The following RADIL variants were observed in gnomAD, a reference collection of about 807,000 sequenced individuals.
RADIL encodes Rap associating with DIL domain, also known as ras-associating and dilute domain-containing protein.
Under a neutral mutation model 97.6 loss-of-function variants are expected in RADIL, and 99 were observed. That is an observed-to-expected ratio of 1.01 (90% CI 0.86 to 1.20). The LOEUF is 1.20. RADIL is among the 50% of genes most tolerant of loss of function. The pLI, the probability that RADIL is intolerant of heterozygous loss-of-function variation, is 0.00. For synonymous variants in RADIL, 803 were observed against 691.8 expected (o/e 1.16, Z -2.52); for missense variants, 1,765 against 1,498.9 (o/e 1.18, Z -2.93).
At position 4,801,758 on chromosome 7, in the gene RADIL, C is replaced by T; in HGVS notation, c.2737G>A (p.Glu913Lys). The part of the protein sequence containing the change: ...LTPPSTPLGP[E>K]PGDPDWPESG... ...TCTGGCCAGTCGGGGTCCCCAGGCT[C>T]AGGGCCAAGTGGAGTGCTGGGAGGC... Residue 913 changes from glutamate (E) to lysine (K), a missense_variant, in exon 12 of 15, where the codon GAG (glutamate) becomes AAG (lysine). By Grantham distance (56) the Glu-to-Lys change is moderately conservative. Transcript: ENST00000399583. 6.2e-7 allele frequency: 1 copy of T among 1,610,576 alleles called. No homozygotes were observed. Among genetic ancestry groups the T allele is most frequent in the South Asian group, 1.1e-5 (1 of 90,744 alleles).
At chr7:4,857,025 A>C (rs1435865638) in intron 2 of RADIL, among the ~76,000 whole-genome samples, 1 of 152,214 alleles carries the variant, frequency 6.6e-6, no homozygotes, top group East Asian at 1.9e-4. Context: ...TGTGTTCAAA[A>C]ACTGTTTCCC....
chr7:4,818,882 C>T lies in RADIL; in HGVS notation c.1616-1531G>A, dbSNP rs1782750946. The stretch of plus-strand genomic sequence containing the variant: ...CTGAATGAAACCACAAAGCAGCCTC[C>T]AGCCACCCACCACGGGCCTGAGACT... On this transcript the variant is annotated intron_variant, in intron 6 of 14. Transcript: ENST00000399583. The surrounding 1 kb of genome is among the most constrained non-coding windows in gnomAD (Gnocchi z 7.1). Among the ~76,000 whole-genome samples the T allele has an allele frequency of 6.6e-6, 1 of 152,094 alleles. No individual in the cohort carries two copies. The highest frequency in any genetic ancestry group is 2.1e-4 in the South Asian group (1 of 4,822).
intron 2 of RADIL, chr7:4,865,423 A>G (rs1784109620): frequency 3.0e-6 from 2 of 674,130 alleles, no homozygotes; most frequent in South Asian, 3.5e-5. Context: ...TTTCAGATAA[A>G]TGGAATTTAA....
In RADIL at chr7:4,803,739, G is replaced by A. The variant is rs1316915988; in HGVS notation, c.2306C>T (p.Ser769Phe). ...GACGATGGGTGGGGGGTTTTCGTAG[G>A]ACTCCAGAACATCCTCTGCAGGGGA... ...EAFRSEDVLE[S>F]YENPPPIVLP... is the part of the protein sequence containing the mutation. The change falls in exon 11 of 15, where the codon TCC (serine) becomes TTC (phenylalanine). Residue 769 changes from serine to phenylalanine, a missense_variant. Ser to Phe is a radical substitution (Grantham distance 155). Coordinates refer to ENST00000399583, the MANE Select transcript of RADIL (RefSeq NM_018059.5). 5 of 1,564,240 alleles carry A rather than the reference G, an allele frequency of 3.2e-6. No homozygotes were observed. The highest frequency in any genetic ancestry group is 4.3e-6 in the Non-Finnish European group (5 of 1,155,058).
intron 12 of RADIL, 86 bp downstream of exon 12, chr7:4,801,566 AG>A (rs1159457009): frequency 5.0e-6 from 7 of 1,409,184 alleles, no homozygotes; most frequent in Non-Finnish European, 6.7e-6. Context: ...CTAGGACCCA[AG>A]GGGGGAACGA....
chr7:4,838,772 A>T (rs981115146), intron 2 of RADIL, among the ~76,000 whole-genome samples: 3 of 152,212 alleles, frequency 2.0e-5, no homozygotes, highest in Non-Finnish European at 4.4e-5. Flanking sequence ...CACAAGCATG[A>T]CAGAGCCTCC....
Position 4,816,474 on chromosome 7 carries a change from G to A in RADIL, c.1729-9C>T, listed in dbSNP as rs1316282410. 1.1e-5 allele frequency: 17 copies of A among 1,595,520 alleles called. No homozygotes were observed. The highest frequency in any genetic ancestry group is 1.4e-5 in the Non-Finnish European group (16 of 1,168,306). On this transcript the variant is annotated splice_polypyrimidine_tract_variant and intron_variant, in intron 7 of 14. Coordinates refer to ENST00000399583, the MANE Select transcript of RADIL (RefSeq NM_018059.5). ...AGGCAGATGTACAGGGACTGGCGGG[G>A]GCAAGAGGAGAACAGCAACCAGCAT...
At chr7:4,803,456 C>T (rs1351837129) in intron 11 of RADIL, 90 bp downstream of exon 11, 1 of 1,177,686 alleles carries the variant, frequency 8.5e-7, no homozygotes. Context: ...GCTGGGTGGC[C>T]CCCTCCCCGG....
Position 4,800,151 on chromosome 7 carries a change from G to T in RADIL, c.2982+20C>A, listed in dbSNP as rs764939989. 5 of 1,582,896 alleles carry T rather than the reference G, an allele frequency of 3.2e-6. No individual in the cohort carries two copies. Among genetic ancestry groups the T allele is most frequent in the Non-Finnish European group, 4.3e-6 (5 of 1,164,010 alleles). ...CAGGCAGCCAGTATGGGGGTGCGGC[G>T]AGGGTCCTGGGCCACTCACCATCCC... On this transcript the variant is annotated intron_variant, in intron 13 of 14. Coordinates refer to ENST00000399583, the MANE Select transcript of RADIL (RefSeq NM_018059.5).
chr7:4,877,537 C>T (rs910437613), intron 2 of RADIL, 68 bp downstream of exon 2: 21 of 1,511,366 alleles, frequency 1.4e-5, no homozygotes, highest in Admixed American at 6.5e-5. Context: ...ACTCCTTCTC[C>T]GCCTACCTCG....
At chr7:4,808,281 G>A (rs201631961) in intron 9 of RADIL, among the ~76,000 whole-genome samples, 202 of 151,054 alleles carry the variant, frequency 1.3e-3, no homozygotes, top group African/African-American at 4.7e-3. Context: ...CCCAGGCTCT[G>A]CACAGCTTTT....
intron 2 of RADIL, chr7:4,861,849 C>A: frequency 7.2e-7 from 1 of 1,383,042 alleles, no homozygotes; most frequent in Non-Finnish European, 9.4e-7. Context: ...TCCCCCACCA[C>A]CGCGACCTTC....
rs145181103 is a variant in RADIL at position 4,837,279 on chromosome 7, G to A, written c.536-674C>T. On this transcript the variant is annotated intron_variant, in intron 2 of 14. Coordinates refer to ENST00000399583, the MANE Select transcript of RADIL (RefSeq NM_018059.5). The surrounding 1 kb of genome is among the most constrained non-coding windows in gnomAD (Gnocchi z 5.6). ...CCTCAAACCACAGACGTTTTCCCACGGCAGCCTGGGCCTCTGCAGGGTCAC... is the reference window on the plus strand; with the variant it reads ...CCTCAAACCACAGACGTTTTCCCACAGCAGCCTGGGCCTCTGCAGGGTCAC... Among the ~76,000 whole-genome samples the A allele has an allele frequency of 1.0e-3, 159 of 152,242 alleles. 1 individual carries two copies. The highest frequency in any genetic ancestry group is 3.6e-3 in the African/African-American group (149 of 41,554).
intron 2 of RADIL, chr7:4,861,499 G>C (rs778850967): frequency 2.5e-6 from 4 of 1,613,954 alleles, no homozygotes; most frequent in African/African-American, 2.7e-5. Context: ...CTCCTAATCT[G>C]TAAGAGCCAA....
rs1782875690 is a variant in RADIL at position 4,822,921 on chromosome 7, G to A, written c.1455-367C>T. ...TGTGTGTGTGCGTGTATGCGTGCAT[G>A]GGGGTGGGGGCTGGTCCATGGTTTT... On this transcript the variant is annotated intron_variant, in intron 5 of 14. Transcript: ENST00000399583. The surrounding 1 kb of genome is among the most constrained non-coding windows in gnomAD (Gnocchi z 5.3). Among the ~76,000 whole-genome samples the A allele has an allele frequency of 6.6e-6, 1 of 152,172 alleles. No homozygotes were observed. Among genetic ancestry groups the A allele is most frequent in the African/African-American group, 2.4e-5 (1 of 41,450 alleles).
At chr7:4,844,277 C>G (rs567127303) in intron 2 of RADIL, among the ~76,000 whole-genome samples, 1 of 152,008 alleles carries the variant, frequency 6.6e-6, no homozygotes, top group Non-Finnish European at 1.5e-5. Context: ...AACCCTGTCT[C>G]TACTAAAAAT....
intron 13 of RADIL, 32 bp downstream of exon 13, chr7:4,800,139 T>G (rs1397123033): frequency 6.4e-7 from 1 of 1,560,672 alleles, no homozygotes; most frequent in Non-Finnish European, 8.7e-7. Flanking sequence ...GCAGCCAGTA[T>G]GGGGGTGCGG....
rs1784150046 is a variant in RADIL at position 4,867,203 on chromosome 7, G to C, written c.535+10402C>G. ...GCCTAAAGGTGTTGAGGGGCACACA[G>C]GCACACGAGGCTTCTGAGGAAGCTG... is the stretch of plus-strand genomic sequence containing the variant. On this transcript the variant is annotated intron_variant, in intron 2 of 14. Coordinates refer to ENST00000399583, the MANE Select transcript of RADIL (RefSeq NM_018059.5). The surrounding 1 kb of genome is among the most constrained non-coding windows in gnomAD (Gnocchi z 4.1). 6.6e-6 allele frequency among the ~76,000 whole-genome samples: 1 copy of C among 152,168 alleles called. No individual in the cohort carries two copies. The highest frequency in any genetic ancestry group is 2.1e-4 in the South Asian group (1 of 4,828).
At chr7:4,850,361 A>G (rs542022046) in intron 2 of RADIL, among the ~76,000 whole-genome samples, 1 of 152,284 alleles carries the variant, frequency 6.6e-6, no homozygotes, top group East Asian at 1.9e-4. Context: ...AGATGGCTCC[A>G]TGGTCTCTGC....
Sources: gnomAD v4.1 joint callset for allele counts (sites outside exome capture counted in the v4.1 genomes callset) on GRCh38, gnomAD v4.1.1 for gene constraint, Gnocchi (gnomAD v3.1) non-coding constraint, MANE v1.5 for transcripts, NCBI Gene and HGNC (gene_info 2026-07-23, HGNC 2026-07-21) for gene names.